Variants in BAG3 observed in about 807,000 individuals in gnomAD.
BAG3 encodes BAG family molecular chaperone regulator 3.
A neutral mutation model predicts 40.5 loss-of-function variants in BAG3; 14 were observed. The observed-to-expected ratio is 0.35, with a 90% CI of 0.23 to 0.54. The LOEUF (loss-of-function observed/expected upper bound fraction) is 0.54. BAG3 is among the 20% of genes least tolerant of loss of function. BAG3 has a pLI of 0.91. For missense variants in BAG3, 788 were observed against 758.6 expected (o/e 1.04, Z -0.46); for synonymous variants, 302 against 307.8 (o/e 0.98, Z 0.20).
intron 3 of BAG3, among the ~76,000 whole-genome samples, chr10:119,675,966 C>T (rs1411025320): frequency 1.0e-5 from 1 of 96,102 alleles, no homozygotes; most frequent in Non-Finnish European, 2.2e-5. Context: ...CGCTCTGTCA[C>T]TCAGGCTGGA....
chr10:119,661,008 G>A (rs1018353882), intron 1 of BAG3, among the ~76,000 whole-genome samples: 9 of 152,162 alleles, frequency 5.9e-5, no homozygotes, highest in African/African-American at 1.2e-4. Context: ...CAGGAGAATC[G>A]CTTGAACCCG....
At position 119,676,533 on chromosome 10, in the gene BAG3, C is replaced by G; in HGVS notation, c.979C>G (p.Pro327Ala). ...PENKPESKPG[P>A]VGPELPPGHI... is the part of the protein sequence containing the mutation. ...AAACAAACCAGAAAGTAAGCCAGGC[C>G]CAGTTGGACCAGAACTCCCTCCTGG... The change falls in exon 4 of 4, where the codon CCA becomes GCA. Residue 327 changes from proline (P) to alanine (A), a missense_variant. Transcript: ENST00000369085. The G allele has an allele frequency of 6.2e-7, 1 of 1,613,930 alleles. No homozygotes were observed. Among genetic ancestry groups the G allele is most frequent in the Non-Finnish European group, 8.5e-7 (1 of 1,179,990 alleles).
intron 1 of BAG3, among the ~76,000 whole-genome samples, chr10:119,663,322 CAG>C (rs1182274640): frequency 6.6e-6 from 1 of 152,060 alleles, no homozygotes; most frequent in Non-Finnish European, 1.5e-5. Context: ...TTTTTTAAGA[CAG>C]AGTCTCACTC....
At chr10:119,673,981 C>T (rs1847185803) in intron 3 of BAG3, among the ~76,000 whole-genome samples, 1 of 152,184 alleles carries the variant, frequency 6.6e-6, no homozygotes, top group Non-Finnish European at 1.5e-5. Flanking sequence ...ATTCTTACAA[C>T]ATTATTATCC....
At chr10:119,673,697 A>T (rs1847182979) in intron 3 of BAG3, among the ~76,000 whole-genome samples, 1 of 152,238 alleles carries the variant, frequency 6.6e-6, no homozygotes, top group Admixed American at 6.5e-5. Context: ...CCCTCATCTT[A>T]AAATGTTGTT....
chr10:119,655,685 T>G (rs1181325639), intron 1 of BAG3, among the ~76,000 whole-genome samples: 3 of 152,160 alleles, frequency 2.0e-5, no homozygotes, highest in Non-Finnish European at 4.4e-5. Context: ...TGCGACTGCA[T>G]GAAAGTGATT....
chr10:119,660,140 G>A lies in BAG3; in HGVS notation c.180+8285G>A, dbSNP rs548563113. Among the ~76,000 whole-genome samples the A allele has an allele frequency of 3.5e-4, 53 of 152,334 alleles. No homozygotes were observed. In the South Asian group the frequency reaches 3.7e-3, roughly 11 times the overall value. On this transcript the variant is annotated intron_variant, in intron 1 of 3. Coordinates refer to ENST00000369085, the MANE Select transcript of BAG3 (RefSeq NM_004281.4). ...GGTGCCTGGCCTGGAGACGGCTGAC[G>A]TGTGCCCTGGTGAGGGGCCATCGAG...
At chr10:119,661,119 G>A (rs941060586) in intron 1 of BAG3, among the ~76,000 whole-genome samples, 1 of 152,058 alleles carries the variant, frequency 6.6e-6, no homozygotes, top group Non-Finnish European at 1.5e-5. Context: ...AATTAGCTGG[G>A]CGTGGTGGCA....
chr10:119,661,757 T>A (rs4752339), intron 1 of BAG3, among the ~76,000 whole-genome samples: 52,268 of 151,798 alleles, frequency 0.34, 9,118 homozygotes, highest in Admixed American at 0.37. Flanking sequence ...GGACAAAGCC[T>A]AACTCCTCAG....
chr10:119,665,020 C>T (rs887687922), intron 1 of BAG3, among the ~76,000 whole-genome samples: 11 of 150,864 alleles, frequency 7.3e-5, no homozygotes, highest in African/African-American at 2.0e-4. Context: ...CAGCTTCAAG[C>T]GATTCTCCTG....
chr10:119,658,960 G>A (rs979915189), intron 1 of BAG3, among the ~76,000 whole-genome samples: 1 of 152,150 alleles, frequency 6.6e-6, no homozygotes, highest in Non-Finnish European at 1.5e-5. Context: ...ACAGCAGACT[G>A]TCCTGGCTGT....
At chr10:119,664,350 A>G (rs1471799212) in intron 1 of BAG3, among the ~76,000 whole-genome samples, 1 of 152,168 alleles carries the variant, frequency 6.6e-6, no homozygotes, top group Non-Finnish European at 1.5e-5. Flanking sequence ...CAGATTTTTA[A>G]TGCAATGCAC....
chr10:119,672,529 G>A lies in BAG3; in HGVS notation c.782G>A (p.Arg261Gln), dbSNP rs746454994. 4.0e-5 allele frequency: 65 copies of A among 1,613,764 alleles called. No homozygotes were observed. Among genetic ancestry groups the A allele is most frequent in the Admixed American group, 8.3e-5 (5 of 60,002 alleles). Residue 261 changes from arginine (R) to glutamine (Q), a missense_variant, in exon 3 of 4, where the codon CGG (arginine) becomes CAG (glutamine). Transcript: ENST00000369085. The surrounding 1 kb of genome is among the most constrained non-coding windows in gnomAD (Gnocchi z 4.8). The part of the protein sequence containing the change: ...QGDDWEPRPL[R>Q]AASPFRSSVQ... The stretch of plus-strand genomic sequence containing the variant: ...GATGACTGGGAGCCCCGGCCCCTGC[G>A]GGCGGCATCCCCGTTCAGGTCATCT...
rs1589630457 is a variant in BAG3, at chr10:119,672,648, A to G, written c.901A>G (p.Arg301Gly). 6.2e-7 allele frequency: 1 copy of G among 1,613,456 alleles called. No individual in the cohort carries two copies. Among genetic ancestry groups the G allele is most frequent in the Non-Finnish European group, 8.5e-7 (1 of 1,180,020 alleles). ...SPIRVHTVVD[R>G]PQQPMTHRET... ...CATCCGTGTGCACACCGTGGTCGAC[A>G]GGCCTCAGGTACGGGAAGTTAGTCG... Residue 301 changes from arginine to glycine, a missense_variant, in exon 3 of 4, where the codon AGG (arginine) becomes GGG (glycine). Physicochemically the swap from Arg to Gly is moderately radical, Grantham distance 125 (BLOSUM62 -2). Coordinates refer to ENST00000369085, the MANE Select transcript of BAG3 (RefSeq NM_004281.4). This position sits in a 1 kb window ranked among gnomAD's most constrained non-coding sequence, Gnocchi z 4.8.
At chr10:119,669,139 C>T (rs767813210) in intron 1 of BAG3, among the ~76,000 whole-genome samples, 6 of 152,146 alleles carry the variant, frequency 3.9e-5, no homozygotes, top group Non-Finnish European at 8.8e-5. Context: ...TAAAACTTGA[C>T]TTTACAAGGA....
intron 1 of BAG3, among the ~76,000 whole-genome samples, chr10:119,662,914 C>T (rs983487612): frequency 1.8e-4 from 27 of 152,176 alleles, no homozygotes; most frequent in Middle Eastern, 3.2e-3. Flanking sequence ...ACTCAGGAGG[C>T]TAAGGCAGGA....
In BAG3 at chr10:119,672,766, G is replaced by A. The variant is rs184531850; in HGVS notation, c.909+110G>A. ...CTTCATCCCTGCCTATTTAACATGC[G>A]TGTACCTACAGGCAAGTGAGATTCG... is the stretch of plus-strand genomic sequence containing the variant. On this transcript the variant is annotated intron_variant, in intron 3 of 3. Transcript: ENST00000369085. This position sits in a 1 kb window ranked among gnomAD's most constrained non-coding sequence, Gnocchi z 4.8. The A allele has an allele frequency of 1.5e-4, 211 of 1,440,250 alleles. No individual in the cohort carries two copies. The African/African-American group carries it at 2.1e-3, about 14-fold the overall frequency. 89.2% of individuals were successfully genotyped at this position (1,440,250 alleles called of 1,614,324 possible).
chr10:119,669,732 G>T, intron 1 of BAG3, 119 bp from the exon 2 acceptor site: 2 of 1,061,612 alleles, frequency 1.9e-6, no homozygotes, highest in Non-Finnish European at 2.9e-6. Context: ...GCTGGCTGAC[G>T]CTTTGAGGCC....
intron 2 of BAG3, among the ~76,000 whole-genome samples, chr10:119,671,845 G>T (rs1038953718): frequency 2.6e-5 from 4 of 152,204 alleles, no homozygotes; most frequent in Non-Finnish European, 5.9e-5. Flanking sequence ...CTGGAGTGCA[G>T]TGGTGTGATC....
Sources: gnomAD v4.1 joint callset for allele counts (sites outside exome capture counted in the v4.1 genomes callset) on GRCh38, gnomAD v4.1.1 for gene constraint, Gnocchi (gnomAD v3.1) non-coding constraint, MANE v1.5 for transcripts, NCBI Gene and HGNC (gene_info 2026-07-23, HGNC 2026-07-21) for gene names.